CNTN5: variants seen among roughly 807,000 people sequenced by gnomAD.
CNTN5 encodes contactin-5.
A neutral mutation model predicts 129.1 loss-of-function variants in CNTN5; 77 were observed. That is an observed-to-expected ratio of 0.60 (90% confidence interval 0.50 to 0.72). The LOEUF is 0.72. Among genes scored for constraint, CNTN5 ranks in the 30% least tolerant of loss-of-function variants. The pLI is 0.00. For missense variants in CNTN5, 1,478 were observed against 1,328.8 expected, an observed-to-expected ratio of 1.11 and a Z score of -1.75; for synonymous variants, 509 against 465.6, an observed-to-expected ratio of 1.09 and a Z score of -1.20.
At chr11:100,037,637 A>G (rs528381953) in intron 9 of CNTN5, among the ~76,000 whole-genome samples, 29 of 152,178 alleles carry the variant, frequency 1.9e-4, no homozygotes, top group African/African-American at 6.5e-4. Flanking sequence ...TTATTGCCAC[A>G]ATTTCAGCTC....
At chr11:99,996,374 A>G (rs759300213) in intron 8 of CNTN5, among the ~76,000 whole-genome samples, 46 of 152,192 alleles carry the variant, frequency 3.0e-4, no homozygotes, top group Non-Finnish European at 3.7e-4. Flanking sequence ...AAAACAGATT[A>G]AAGTCTAAAT....
chr11:99,563,547 A>G (rs1948909247), intron 3 of CNTN5, among the ~76,000 whole-genome samples: 1 of 152,192 alleles, frequency 6.6e-6, no homozygotes, highest in Admixed American at 6.5e-5. Flanking sequence ...TCAGCCCACA[A>G]TTTATTCACT....
intron 6 of CNTN5, among the ~76,000 whole-genome samples, chr11:99,893,807 A>G (rs935290988): frequency 2.0e-5 from 3 of 152,208 alleles, no homozygotes; most frequent in African/African-American, 7.2e-5. Flanking sequence ...ATATGTGTGT[A>G]TATATTAACA....
At chr11:99,673,304 ATAGC>A (rs1953127298) in intron 3 of CNTN5, among the ~76,000 whole-genome samples, 1 of 152,166 alleles carries the variant, frequency 6.6e-6, no homozygotes. Flanking sequence ...GCACAGACTT[ATAGC>A]CAGATGGCTA....
intron 3 of CNTN5, among the ~76,000 whole-genome samples, chr11:99,720,587 C>G (rs1178651670): frequency 1.3e-5 from 2 of 152,046 alleles, no homozygotes; most frequent in Admixed American, 1.3e-4. Flanking sequence ...CCTTGAAAAT[C>G]TGTACAAGAC....
At chr11:100,339,881 A>G (rs1019984702) in intron 21 of CNTN5, among the ~76,000 whole-genome samples, 5 of 152,110 alleles carry the variant, frequency 3.3e-5, no homozygotes, top group African/African-American at 1.2e-4. Context: ...AATGCATAAA[A>G]AGGGCTTTGA....
intron 6 of CNTN5, among the ~76,000 whole-genome samples, chr11:99,878,632 C>T (rs1227647742): frequency 5.3e-5 from 8 of 152,238 alleles, no homozygotes; most frequent in African/African-American, 1.4e-4. Context: ...CCCAGGCAGG[C>T]GGATCACGAG....
chr11:99,649,453 C>T (rs1436365472), intron 3 of CNTN5, among the ~76,000 whole-genome samples: 5 of 151,620 alleles, frequency 3.3e-5, no homozygotes, highest in Non-Finnish European at 7.4e-5. Flanking sequence ...AATGTTGCAA[C>T]TTTATTTTCC....
chr11:99,644,049 A>G (rs1471625162), intron 3 of CNTN5, among the ~76,000 whole-genome samples: 1 of 152,172 alleles, frequency 6.6e-6, no homozygotes, highest in Admixed American at 6.5e-5. Context: ...AAGAATTTCT[A>G]TATACAAAAA....
intron 3 of CNTN5, among the ~76,000 whole-genome samples, chr11:99,716,938 G>C (rs1270821690): frequency 6.6e-6 from 1 of 152,004 alleles, no homozygotes; most frequent in Non-Finnish European, 1.5e-5. Context: ...CATACTCAAG[G>C]AGTATACCAG....
chr11:100,173,208 C>T lies in CNTN5; in HGVS notation c.1581-17918C>T, dbSNP rs75660620. Among the ~76,000 whole-genome samples, 153 of 152,170 alleles carry T rather than the reference C, an allele frequency of 1.0e-3. 2 individuals are homozygous for T. The East Asian group carries it at 0.028, about 28-fold the overall frequency. On this transcript the variant is annotated intron_variant, in intron 13 of 24. Transcript: ENST00000524871. Reference sequence around the variant, plus strand: ...AGCATTGCCTTCCCCATTATGCCACCTTCCATTCCTCACCCCTTTACATAT... The same window carrying T: ...AGCATTGCCTTCCCCATTATGCCACTTTCCATTCCTCACCCCTTTACATAT...
At chr11:99,824,354 G>C (rs1300825378) in intron 4 of CNTN5, among the ~76,000 whole-genome samples, 3 of 151,824 alleles carry the variant, frequency 2.0e-5, no homozygotes, top group African/African-American at 7.2e-5. Context: ...GCATTTTCTT[G>C]ACTAGTGAGG....
intron 1 of CNTN5, among the ~76,000 whole-genome samples, chr11:99,289,139 A>G (rs1251291825): frequency 6.6e-6 from 1 of 151,878 alleles, no homozygotes; most frequent in African/African-American, 2.4e-5. Flanking sequence ...CTATGATGTG[A>G]TAATACATAA....
At chr11:99,946,872 C>G (rs545796238) in intron 7 of CNTN5, among the ~76,000 whole-genome samples, 3 of 151,582 alleles carry the variant, frequency 2.0e-5, no homozygotes, top group Admixed American at 1.3e-4. Context: ...AAAAAATTGT[C>G]TAGTAAGATA....
intron 3 of CNTN5, among the ~76,000 whole-genome samples, chr11:99,798,521 A>G (rs975035383): frequency 6.6e-6 from 1 of 152,076 alleles, no homozygotes; most frequent in African/African-American, 2.4e-5. Flanking sequence ...TTTGAACAGG[A>G]GGTCCTTTTT....
intron 21 of CNTN5, among the ~76,000 whole-genome samples, chr11:100,313,805 G>C (rs2138938723): frequency 6.6e-6 from 1 of 152,122 alleles, no homozygotes; most frequent in African/African-American, 2.4e-5. Flanking sequence ...CAGCAAGGAG[G>C]CTGGCAAGAA....
intron 7 of CNTN5, among the ~76,000 whole-genome samples, chr11:99,946,064 G>A (rs1002988500): frequency 2.0e-5 from 3 of 151,866 alleles, no homozygotes; most frequent in African/African-American, 7.3e-5. Flanking sequence ...CAATTTCTTT[G>A]GGTGATCCCC....
intron 3 of CNTN5, among the ~76,000 whole-genome samples, chr11:99,598,325 TG>T (rs1447502317): frequency 6.6e-5 from 2 of 30,248 alleles, no homozygotes; most frequent in Admixed American, 5.1e-4. Context: ...TTTTCTTTTC[TG>T]TCCCTCTCTC....
intron 8 of CNTN5, among the ~76,000 whole-genome samples, chr11:99,972,914 T>C (rs1356470310): frequency 6.6e-6 from 1 of 151,782 alleles, no homozygotes; most frequent in Non-Finnish European, 1.5e-5. Flanking sequence ...TTTAATTGTG[T>C]GTACAGTAAA....
Sources: allele counts gnomAD v4.1 joint callset (sites outside exome capture counted in the v4.1 genomes callset), GRCh38; gene constraint gnomAD v4.1.1; transcripts MANE v1.5; gene names NCBI Gene and HGNC (gene_info 2026-07-23, HGNC 2026-07-21).